Variants in OSBP2 observed in about 807,000 individuals in gnomAD.
OSBP2 encodes the protein oxysterol binding protein 2.
OSBP2 carries 66 observed loss-of-function variants against 96.0 expected under a neutral mutation model. The ratio of observed to expected loss-of-function variants is 0.69; its 90% CI spans 0.56 to 0.84. OSBP2 has a LOEUF of 0.84. OSBP2 is among the 40% of genes least tolerant of loss of function. The pLI is 0.00. For missense variants in OSBP2, 1,038 were observed against 1,222.7 expected (o/e 0.85, Z 2.25); for synonymous variants, 525 against 520.9 (o/e 1.01, Z -0.11).
intron 2 of OSBP2, among the ~76,000 whole-genome samples, chr22:30,797,895 A>G (rs1008016421): frequency 2.0e-5 from 3 of 152,158 alleles, no homozygotes; most frequent in Non-Finnish European, 2.9e-5. Flanking sequence ...TACCCAGCCA[A>G]TGCTGCTATG....
At chr22:30,765,146 G>A (rs946279157) in intron 2 of OSBP2, among the ~76,000 whole-genome samples, 1 of 151,776 alleles carries the variant, frequency 6.6e-6, no homozygotes, top group Non-Finnish European at 1.5e-5. Flanking sequence ...TTCCTGCCTC[G>A]GCCTCCCAAA....
At chr22:30,733,520 C>T (rs979553196) in intron 1 of OSBP2, among the ~76,000 whole-genome samples, 25 of 152,246 alleles carry the variant, frequency 1.6e-4, no homozygotes, top group African/African-American at 5.1e-4. Context: ...TCCAGCTTGT[C>T]GGTGACCACT....
At chr22:30,901,484 T>G (rs1477646853) in intron 12 of OSBP2, among the ~76,000 whole-genome samples, 1 of 152,226 alleles carries the variant, frequency 6.6e-6, no homozygotes, top group Admixed American at 6.5e-5. Context: ...ATAAAAAACA[T>G]GTATGTTGAA....
intron 2 of OSBP2, among the ~76,000 whole-genome samples, chr22:30,839,939 T>A (rs1489030012): frequency 6.6e-5 from 10 of 152,276 alleles, no homozygotes; most frequent in Admixed American, 1.3e-4. Flanking sequence ...CTGAATGGTA[T>A]TGCCTAGGTT....
At chr22:30,743,272 GGTCT>G (rs1488007382) in intron 2 of OSBP2, among the ~76,000 whole-genome samples, 1 of 152,136 alleles carries the variant, frequency 6.6e-6, no homozygotes, top group Non-Finnish European at 1.5e-5. Context: ...CCCATGTTGG[GGTCT>G]GTCTCCCAGC....
intron 2 of OSBP2, among the ~76,000 whole-genome samples, chr22:30,773,790 C>A (rs1401740909): frequency 2.0e-5 from 3 of 152,032 alleles, no homozygotes; most frequent in Non-Finnish European, 4.4e-5. Context: ...AAAAGCAAGT[C>A]CTTCCAAAGG....
intron 2 of OSBP2, among the ~76,000 whole-genome samples, chr22:30,779,438 A>G (rs529244329): frequency 6.6e-6 from 1 of 152,128 alleles, no homozygotes; most frequent in Admixed American, 6.6e-5. Flanking sequence ...TATAATATAC[A>G]TAAAGTGTAA....
chr22:30,765,336 A>G (rs1006801902), intron 2 of OSBP2, among the ~76,000 whole-genome samples: 7 of 152,030 alleles, frequency 4.6e-5, no homozygotes, highest in African/African-American at 1.7e-4. Context: ...CAGCCTCCCC[A>G]GTAGCTGGGA....
chr22:30,731,480 G>T (rs117811892), intron 1 of OSBP2: 2,337 of 152,858 alleles, frequency 0.015, 31 homozygotes, highest in Middle Eastern at 0.042. Context: ...ATTTTCCACG[G>T]TGGCATTTCA....
intron 3 of OSBP2, among the ~76,000 whole-genome samples, chr22:30,884,821 C>G (rs536121890): frequency 6.6e-6 from 1 of 152,200 alleles, no homozygotes; most frequent in Non-Finnish European, 1.5e-5. Context: ...TCCCACCCCC[C>G]GGTAGGTGTC....
intron 2 of OSBP2, among the ~76,000 whole-genome samples, chr22:30,863,410 C>T (rs951915240): frequency 6.6e-6 from 1 of 152,170 alleles, no homozygotes; most frequent in African/African-American, 2.4e-5. Flanking sequence ...CACTGGAAAC[C>T]AATGACACCA....
rs750108668 is a variant in OSBP2 at position 30,883,850 on chromosome 22, G to A, written c.1108-3576G>A. 1.2e-3 allele frequency among the ~76,000 whole-genome samples: 179 copies of A among 152,168 alleles called. 1 individual carries two copies. The highest frequency in any genetic ancestry group is 2.8e-3 in the Admixed American group (43 of 15,282). ...CAGCAAAGAGGTGCCATCTGGTCTGGCTGCTGGGGCACATTGTCTCTGAGT... is the reference window on the plus strand; with the variant it reads ...CAGCAAAGAGGTGCCATCTGGTCTGACTGCTGGGGCACATTGTCTCTGAGT... On this transcript the variant is annotated intron_variant, in intron 3 of 13. Transcript: ENST00000332585.
At chr22:30,717,992 T>C (rs576156566) in intron 1 of OSBP2, among the ~76,000 whole-genome samples, 3 of 152,342 alleles carry the variant, frequency 2.0e-5, no homozygotes, top group South Asian at 2.1e-4. Context: ...TTTCTCTTGC[T>C]TGAGGGTCCG....
intron 2 of OSBP2, among the ~76,000 whole-genome samples, chr22:30,750,019 T>C (rs1009349028): frequency 1.3e-5 from 2 of 152,102 alleles, no homozygotes; most frequent in African/African-American, 4.8e-5. Context: ...GTGAAGAACA[T>C]AGTGAAAGGT....
At chr22:30,798,795 C>G (rs1206806573) in intron 2 of OSBP2, among the ~76,000 whole-genome samples, 4 of 151,914 alleles carry the variant, frequency 2.6e-5, no homozygotes, top group Non-Finnish European at 5.9e-5. Context: ...GGCAGATCAC[C>G]TGAGGTCAGG....
intron 2 of OSBP2, among the ~76,000 whole-genome samples, chr22:30,818,674 G>T (rs1044412693): frequency 1.9e-4 from 29 of 152,310 alleles, no homozygotes; most frequent in African/African-American, 6.5e-4. Flanking sequence ...GTGTGTGTGT[G>T]TGTGCCACAT....
In OSBP2 at chr22:30,893,201, C is replaced by T. The variant is rs1399085109; in HGVS notation, c.1949C>T (p.Ser650Phe). 6.2e-7 allele frequency: 1 copy of T among 1,614,140 alleles called. No homozygotes were observed. The highest frequency in any genetic ancestry group is 2.2e-5 in the East Asian group (1 of 44,880). The change falls in exon 9 of 14, where the codon TCC becomes TTC. Residue 650 changes from serine (S) to phenylalanine (F), a missense_variant. Coordinates refer to ENST00000332585, the MANE Select transcript of OSBP2 (RefSeq NM_030758.4). ...AGCCTCTGGCAGGAGATCACCATCT[C>T]CAGCAAGTTCCGGGGAAAATACATC... ...GWSLWQEITI[S>F]SKFRGKYISI...
chr22:30,764,359 A>AC, intron 2 of OSBP2: 7 of 985,326 alleles, frequency 7.1e-6, no homozygotes, highest in Non-Finnish European at 8.4e-6. Context: ...ACAGCCTGCC[A>AC]CCCTATTGCT....
chr22:30,695,074 G>C lies in OSBP2; in HGVS notation c.165G>C (p.Gln55His). ...GGCCGGAGCCCAAGCCCCAGCCCCA[G>C]CCCGTGCCCGAACCGGAGCGGGGAC... ...GSGPEPKPQP[Q>H]PVPEPERGPL... Residue 55 changes from glutamine to histidine, a missense_variant, in exon 1 of 14, where the codon CAG (glutamine) becomes CAC (histidine). Around this residue, in one of 3 missense-constraint regions of OSBP2, gnomAD observed 281 missense variants for 273.4 expected, o/e 1.03. Transcript: ENST00000332585. 1.9e-6 allele frequency: 3 copies of C among 1,582,768 alleles called. No homozygotes were observed. Among genetic ancestry groups the C allele is most frequent in the Non-Finnish European group, 2.6e-6 (3 of 1,165,144 alleles).
Sources: allele counts gnomAD v4.1 joint callset (sites outside exome capture counted in the v4.1 genomes callset), GRCh38; gene constraint gnomAD v4.1.1; regional missense constraint gnomAD v4.1.1; transcripts MANE v1.5; gene names NCBI Gene and HGNC (gene_info 2026-07-23, HGNC 2026-07-21).